Variants in SERPIND1 observed in about 807,000 individuals in gnomAD.
The protein encoded by SERPIND1 is heparin cofactor 2.
A neutral mutation model predicts 35.0 loss-of-function variants in SERPIND1; 34 were observed. That is an observed-to-expected ratio of 0.97 (90% confidence interval 0.74 to 1.29). The LOEUF (loss-of-function observed/expected upper bound fraction) is 1.29. SERPIND1 is among the 50% of genes most tolerant of loss of function. The pLI, the probability that SERPIND1 is intolerant of heterozygous loss-of-function variation, is 0.00. For synonymous variants in SERPIND1, 236 were observed against 241.1 expected (o/e 0.98, Z 0.19); for missense variants, 633 against 637.7 (o/e 0.99, Z 0.08).
intron 2 of SERPIND1, 53 bp from the exon 3 acceptor site, chr22:20,783,919 C>A (rs1328307612): frequency 6.2e-7 from 1 of 1,609,980 alleles, no homozygotes. Context: ...AAGGGTGAGA[C>A]GATTTCCCTA....
At position 20,784,194 on chromosome 22, in the gene SERPIND1, C is replaced by T. The variant is rs1934022181; in HGVS notation, c.1112C>T (p.Ala371Val). ...ATGTCTGGGATGAAGACCCTCGAAG[C>T]GCAACTGACACCCCGGGTGGTGGAG... Reference protein sequence around the residue: ...HKMSGMKTLEAQLTPRVVERW... With the variant: ...HKMSGMKTLEVQLTPRVVERW... The change falls in exon 3 of 5, where the codon GCG becomes GTG. Residue 371 changes from alanine (A) to valine (V), a missense_variant. Ala to Val is a moderately conservative substitution (Grantham distance 64). Transcript: ENST00000215727. The T allele has an allele frequency of 1.9e-6, 3 of 1,614,022 alleles. No homozygotes were observed. The highest frequency in any genetic ancestry group is 1.6e-4 in the Middle Eastern group (1 of 6,084).
Position 20,780,158 on chromosome 22 carries a change from C to A in SERPIND1, c.846C>A (p.Asp282Glu), listed in dbSNP as rs1257209476. The A allele has an allele frequency of 2.5e-6, 4 of 1,614,078 alleles. No individual in the cohort carries two copies. Among genetic ancestry groups the A allele is most frequent in the African/African-American group, 2.7e-5 (2 of 74,922 alleles). The change falls in exon 2 of 5, where the codon GAC becomes GAA. Residue 282 changes from aspartate (D) to glutamate (E), a missense_variant. Asp to Glu is a conservative substitution (Grantham distance 45). Transcript: ENST00000215727. Reference sequence around the variant, plus strand: ...TAAAAGATGCTCTGGAGAATATAGACCCTGCTACCCAGATGATGATTCTCA... The same window carrying A: ...TAAAAGATGCTCTGGAGAATATAGAACCTGCTACCCAGATGATGATTCTCA... Reference protein sequence around the residue: ...GLIKDALENIDPATQMMILNC... With the variant: ...GLIKDALENIEPATQMMILNC...
chr22:20,781,810 G>C (rs1245002483), intron 2 of SERPIND1, among the ~76,000 whole-genome samples: 3 of 152,190 alleles, frequency 2.0e-5, no homozygotes, highest in Non-Finnish European at 4.4e-5. Context: ...CTAAGCGCTG[G>C]TTTCACCACT....
rs779124518 is a variant in SERPIND1, at chr22:20,783,994, A to C, written c.912A>C (p.Pro304=). Residue 304 remains proline (P), a synonymous_variant, in exon 3 of 5, where the codon CCA becomes CCC. Coordinates refer to ENST00000215727, the MANE Select transcript of SERPIND1 (RefSeq NM_000185.4). ...YFKGSWVNKF[P]VEMTHNHNFR... ...CAGGATCCTGGGTGAATAAATTCCC[A>C]GTGGAAATGACACACAACCACAACT... is the stretch of plus-strand genomic sequence containing the variant. 6.2e-7 allele frequency: 1 copy of C among 1,614,190 alleles called. No individual in the cohort carries two copies. The highest frequency in any genetic ancestry group is 1.1e-5 in the South Asian group (1 of 91,086).
At chr22:20,782,992 CTTT>C (rs1933916656) in intron 2 of SERPIND1, among the ~76,000 whole-genome samples, 1 of 148,166 alleles carries the variant, frequency 6.7e-6, no homozygotes, top group African/African-American at 2.5e-5. Context: ...TACTTCACTT[CTTT>C]GTGCCTCTGT....
chr22:20,785,582 A>G (rs547059298), intron 3 of SERPIND1, among the ~76,000 whole-genome samples: 18 of 152,186 alleles, frequency 1.2e-4, no homozygotes, highest in Non-Finnish European at 2.2e-4. Flanking sequence ...AATATTCAGC[A>G]TTGTCTAGTA....
rs747817907 is a variant in SERPIND1, at chr22:20,784,207, C to T, written c.1125C>T (p.Pro375=). The change falls in exon 3 of 5, where the codon CCC becomes CCT. Residue 375 remains proline (P), a synonymous_variant. Transcript: ENST00000215727. ...GMKTLEAQLT[P]RVVERWQKSM... ...AGACCCTCGAAGCGCAACTGACACC[C>T]CGGGTGGTGGAGAGATGGCAAAAAA... The T allele has an allele frequency of 2.5e-6, 4 of 1,614,132 alleles. No individual in the cohort carries two copies. The highest frequency in any genetic ancestry group is 1.1e-5 in the South Asian group (1 of 91,076).
chr22:20,786,275 C>T (rs767115285), intron 4 of SERPIND1, 127 bp downstream of exon 4: 54 of 1,067,260 alleles, frequency 5.1e-5, no homozygotes, highest in Non-Finnish European at 7.1e-5. Flanking sequence ...GTCTGCTCTT[C>T]GGCCTGGGTG....
In SERPIND1 at chr22:20,779,591, C is replaced by T. The variant is rs1021150977; in HGVS notation, c.279C>T (p.Ile93=). 1.1e-5 allele frequency: 17 copies of T among 1,614,106 alleles called. No homozygotes were observed. Among genetic ancestry groups the T allele is most frequent in the African/African-American group, 2.7e-5 (2 of 74,946 alleles). ...TATTCAGTGAAGACGACGACTACAT[C>T]GACATCGTCGACAGTCTGTCAGTTT... The part of the protein sequence containing the change: ...EKIFSEDDDY[I]DIVDSLSVSP... The change falls in exon 2 of 5, where the codon ATC becomes ATT. Residue 93 remains isoleucine (I), a synonymous_variant. Coordinates refer to ENST00000215727, the MANE Select transcript of SERPIND1 (RefSeq NM_000185.4).
At chr22:20,783,933 G>A (rs1250099831) in intron 2 of SERPIND1, 39 bp from the exon 3 acceptor site, 3 of 1,613,916 alleles carry the variant, frequency 1.9e-6, no homozygotes, top group Non-Finnish European at 2.5e-6. Context: ...TTCCCTAAAG[G>A]AACCTTCTCA....
Position 20,787,592 on chromosome 22 carries a change from A to C in SERPIND1, c.*526A>C. On this transcript the variant is annotated 3_prime_UTR_variant, in exon 5 of 5. Transcript: ENST00000215727. ...CTAATGTTAGGGCTTAATTTTCTCA[A>C]AGCCTGACCTTTCAAATCCATGATG... is the stretch of plus-strand genomic sequence containing the variant. 1 of 177,750 alleles carries C rather than the reference A, an allele frequency of 5.6e-6. No homozygotes were observed. Among genetic ancestry groups the C allele is most frequent in the Non-Finnish European group, 1.2e-5 (1 of 82,244 alleles). 11.0% of individuals were successfully genotyped at this position (177,750 alleles called of 1,614,324 possible).
chr22:20,784,632 C>A (rs1472728803), intron 3 of SERPIND1, among the ~76,000 whole-genome samples: 1 of 152,098 alleles, frequency 6.6e-6, no homozygotes, highest in East Asian at 1.9e-4. Flanking sequence ...TACTTGGAAC[C>A]TAGGAGGCAC....
intron 1 of SERPIND1, among the ~76,000 whole-genome samples, chr22:20,778,429 A>G (rs909391899): frequency 1.3e-5 from 2 of 152,140 alleles, no homozygotes; most frequent in Non-Finnish European, 2.9e-5. Flanking sequence ...GCTTGAGTCC[A>G]GGAGGCCGAA....
intron 1 of SERPIND1, among the ~76,000 whole-genome samples, chr22:20,777,147 T>C (rs191458765): frequency 6.6e-6 from 1 of 151,984 alleles, no homozygotes; most frequent in African/African-American, 2.4e-5. Context: ...CAAGTGATCC[T>C]CCTACTTCAG....
intron 3 of SERPIND1, 132 bp from the exon 4 acceptor site, chr22:20,785,872 G>A: frequency 7.7e-7 from 1 of 1,302,220 alleles, no homozygotes; most frequent in Non-Finnish European, 1.1e-6. Context: ...GACAGTCCCG[G>A]AATATAAATT....
At chr22:20,782,189 C>T (rs1445534184) in intron 2 of SERPIND1, among the ~76,000 whole-genome samples, 4 of 152,188 alleles carry the variant, frequency 2.6e-5, no homozygotes, top group Non-Finnish European at 5.9e-5. Flanking sequence ...TCTGCATTAG[C>T]CCTGGCTGAG....
chr22:20,780,107 C>A lies in SERPIND1; in HGVS notation c.795C>A (p.His265Gln). ...CCTTCATATCAAAAACCAACAACCACATCATGAAGCTCACCAAGGGCCTCA... is the reference window on the plus strand; with the variant it reads ...CCTTCATATCAAAAACCAACAACCAAATCATGAAGCTCACCAAGGGCCTCA... Reference protein sequence around the residue: ...DPAFISKTNNHIMKLTKGLIK... With the variant: ...DPAFISKTNNQIMKLTKGLIK... The change falls in exon 2 of 5, where the codon CAC becomes CAA. Residue 265 changes from histidine to glutamine, a missense_variant. Physicochemically the swap from His to Gln is conservative, Grantham distance 24 (BLOSUM62 0). Coordinates refer to ENST00000215727, the MANE Select transcript of SERPIND1 (RefSeq NM_000185.4). The A allele has an allele frequency of 6.2e-7, 1 of 1,614,214 alleles. No homozygotes were observed. The highest frequency in any genetic ancestry group is 8.5e-7 in the Non-Finnish European group (1 of 1,180,040).
intron 2 of SERPIND1, 52 bp from the exon 3 acceptor site, chr22:20,783,920 G>C: frequency 6.2e-7 from 1 of 1,613,006 alleles, no homozygotes; most frequent in South Asian, 1.1e-5. Flanking sequence ...AGGGTGAGAC[G>C]ATTTCCCTAA....
chr22:20,783,909 A>C, intron 2 of SERPIND1, 63 bp from the exon 3 acceptor site: 4 of 1,609,308 alleles, frequency 2.5e-6, no homozygotes, highest in Non-Finnish European at 3.4e-6. Flanking sequence ...ATTCACTCTC[A>C]AGGGTGAGAC....
Sources: gnomAD v4.1 joint callset for allele counts (sites outside exome capture counted in the v4.1 genomes callset) on GRCh38, gnomAD v4.1.1 for gene constraint, MANE v1.5 for transcripts, NCBI Gene and HGNC (gene_info 2026-07-23, HGNC 2026-07-21) for gene names.